Variants in NYAP2 observed in about 807,000 individuals in gnomAD.
NYAP2 encodes the protein neuronal tyrosine-phosphorylated phosphoinositide-3-kinase adaptor 2, also known as neuronal tyrosine-phosphorylated phosphoinositide-3-kinase adapter 2.
A neutral mutation model predicts 50.4 loss-of-function variants in NYAP2; 23 were observed. The observed-to-expected ratio is 0.46, with a 90% CI of 0.33 to 0.65. The LOEUF (loss-of-function observed/expected upper bound fraction) is 0.65, where lower values mean the gene tolerates loss of function less well. Ranked by LOEUF, NYAP2 falls within the 30% of genes least tolerant of loss-of-function variation. NYAP2 has a pLI of 0.02. For synonymous variants in NYAP2, 394 were observed against 365.2 expected (o/e 1.08, Z -0.90); for missense variants, 885 against 861.0 (o/e 1.03, Z -0.35).
chr2:225,664,870 C>T, the NYAP2 span, among the ~76,000 whole-genome samples: 2 of 152,154 alleles, frequency 1.3e-5, no homozygotes, highest in South Asian at 4.2e-4. Flanking sequence ...GAGAGTCCAT[C>T]TCAAAAACAA....
chr2:225,566,388 G>A (rs1425835736), intron 4 of NYAP2, among the ~76,000 whole-genome samples: 2 of 152,150 alleles, frequency 1.3e-5, no homozygotes, highest in East Asian at 1.9e-4. Context: ...GACTTCCAAA[G>A]GATAATCCTC....
intron 5 of NYAP2, among the ~76,000 whole-genome samples, chr2:225,609,616 T>A (rs894276705): frequency 6.6e-6 from 1 of 152,120 alleles, no homozygotes; most frequent in African/African-American, 2.4e-5. Flanking sequence ...CTTCATGGAC[T>A]CCTTGTCCCA....
the NYAP2 span, among the ~76,000 whole-genome samples, chr2:225,665,807 T>A: frequency 0.012 from 261 of 20,984 alleles, 9 homozygotes; most frequent in African/African-American, 0.039. Flanking sequence ...AGCCTCCGTC[T>A]AAAAAAAAAA....
intron 3 of NYAP2, among the ~76,000 whole-genome samples, chr2:225,416,044 G>A (rs887621869): frequency 1.3e-5 from 2 of 152,160 alleles, no homozygotes; most frequent in African/African-American, 4.8e-5. Context: ...AGGTTAATGT[G>A]TTGATAACGG....
At chr2:225,475,276 A>G (rs1211125010) in intron 3 of NYAP2, among the ~76,000 whole-genome samples, 2 of 152,126 alleles carry the variant, frequency 1.3e-5, no homozygotes, top group Non-Finnish European at 2.9e-5. Flanking sequence ...ACTTTTGCTA[A>G]ACCATACCAA....
intron 3 of NYAP2, among the ~76,000 whole-genome samples, chr2:225,506,848 A>T (rs1027682301): frequency 3.3e-5 from 5 of 151,994 alleles, no homozygotes; most frequent in African/African-American, 4.8e-5. Flanking sequence ...TTTCCCTTTC[A>T]GGTGTTCCCC....
intron 3 of NYAP2, among the ~76,000 whole-genome samples, chr2:225,503,921 T>G (rs1247277228): frequency 1.3e-5 from 2 of 152,164 alleles, no homozygotes; most frequent in African/African-American, 2.4e-5. Context: ...TGCATGACAA[T>G]ACTGTTGAAG....
At chr2:225,649,122 G>C (rs1469115529) in intron 6 of NYAP2, among the ~76,000 whole-genome samples, 1 of 152,066 alleles carries the variant, frequency 6.6e-6, no homozygotes, top group East Asian at 1.9e-4. Context: ...ATGTGTGTAG[G>C]GGGTGAGAGC....
chr2:225,437,218 G>A (rs977191328), intron 3 of NYAP2, among the ~76,000 whole-genome samples: 1 of 152,032 alleles, frequency 6.6e-6, no homozygotes, highest in Non-Finnish European at 1.5e-5. Flanking sequence ...GCACATCACA[G>A]GTAGTCATCC....
chr2:225,484,319 G>T (rs546280639), intron 3 of NYAP2, among the ~76,000 whole-genome samples: 10 of 152,314 alleles, frequency 6.6e-5, no homozygotes, highest in African/African-American at 2.4e-4. Flanking sequence ...ATGATTAGTT[G>T]ACTTAGCTAG....
the NYAP2 span, among the ~76,000 whole-genome samples, chr2:225,684,726 C>T: frequency 3.3e-5 from 5 of 151,972 alleles, no homozygotes; most frequent in Admixed American, 1.3e-4. Context: ...AATTTTTGTA[C>T]TTTTTGTAAA....
At chr2:225,663,557 CTTTT>C in the NYAP2 span, among the ~76,000 whole-genome samples, 1 of 151,398 alleles carries the variant, frequency 6.6e-6, no homozygotes, top group Non-Finnish European at 1.5e-5. Flanking sequence ...TTCTTTCTCA[CTTTT>C]TTTTTCTTTT....
chr2:225,523,445 A>G (rs1438482948), intron 4 of NYAP2, among the ~76,000 whole-genome samples: 5 of 152,036 alleles, frequency 3.3e-5, no homozygotes, highest in Non-Finnish European at 7.4e-5. Flanking sequence ...CTAGCTGAGG[A>G]CCAATTCAAA....
intron 4 of NYAP2, among the ~76,000 whole-genome samples, chr2:225,564,392 A>G (rs923395105): frequency 1.3e-5 from 2 of 151,702 alleles, no homozygotes; most frequent in Admixed American, 6.6e-5. Context: ...GTAACCCCTA[A>G]GAGCTCAGAA....
At chr2:225,465,468 G>T (rs960737414) in intron 3 of NYAP2, among the ~76,000 whole-genome samples, 1 of 152,208 alleles carries the variant, frequency 6.6e-6, no homozygotes, top group Non-Finnish European at 1.5e-5. Flanking sequence ...TGTAATCACA[G>T]CACTTTGGGA....
At chr2:225,417,432 C>T (rs936617430) in intron 3 of NYAP2, among the ~76,000 whole-genome samples, 1 of 151,802 alleles carries the variant, frequency 6.6e-6, no homozygotes, top group African/African-American at 2.4e-5. Context: ...AAAAGTTATT[C>T]TCAATAATGC....
chr2:225,578,792 AT>A (rs1692213206), intron 4 of NYAP2, among the ~76,000 whole-genome samples: 1 of 152,196 alleles, frequency 6.6e-6, no homozygotes, highest in African/African-American at 2.4e-5. Flanking sequence ...TTCATCGTTC[AT>A]CTGTAAAGGT....
chr2:225,567,956 A>G (rs1027685845), intron 4 of NYAP2, among the ~76,000 whole-genome samples: 5 of 152,182 alleles, frequency 3.3e-5, no homozygotes, highest in Non-Finnish European at 5.9e-5. Context: ...GCAATCCCAC[A>G]TGGCATCACT....
At chr2:225,446,246 C>CTCTCTCTATATATA (rs1239402824) in intron 3 of NYAP2, among the ~76,000 whole-genome samples, 4 of 82,272 alleles carry the variant, frequency 4.9e-5, no homozygotes, top group East Asian at 3.7e-4. Flanking sequence ...CTCTCTCTCT[C>CTCTCTCTATATATA]TATATATATA....
Sources: gnomAD v4.1 joint callset for allele counts (sites outside exome capture counted in the v4.1 genomes callset) on GRCh38, gnomAD v4.1.1 for gene constraint, MANE v1.5 for transcripts, NCBI Gene and HGNC (gene_info 2026-07-23, HGNC 2026-07-21) for gene names.